The following ZNF704 variants were observed in gnomAD, a reference collection of about 807,000 sequenced individuals.
The protein encoded by ZNF704 is glucocorticoid induced gene 1.
Under a neutral mutation model 44.7 loss-of-function variants are expected in ZNF704, and 10 were observed. The observed-to-expected ratio is 0.22, with a 90% CI of 0.14 to 0.38. ZNF704 has a LOEUF of 0.38. ZNF704 is among the 10% of genes least tolerant of loss of function. The pLI is 1.00. For synonymous variants in ZNF704, 211 were observed against 207.6 expected, an observed-to-expected ratio of 1.02 and a Z score of -0.14; for missense variants, 390 against 545.5, an observed-to-expected ratio of 0.71 and a Z score of 2.84.
intron 2 of ZNF704, among the ~76,000 whole-genome samples, chr8:80,732,251 T>C (rs956820902): frequency 1.1e-4 from 16 of 152,206 alleles, no homozygotes; most frequent in Admixed American, 1.0e-3. Flanking sequence ...TTCTATTCTG[T>C]TTATTATTCC....
chr8:80,829,232 C>A (rs1808428592), intron 1 of ZNF704, among the ~76,000 whole-genome samples: 1 of 152,142 alleles, frequency 6.6e-6, no homozygotes, highest in African/African-American at 2.4e-5. Flanking sequence ...AGAAAATCAA[C>A]AGATGTAAGG....
At chr8:80,752,128 C>G (rs1489315855) in intron 2 of ZNF704, among the ~76,000 whole-genome samples, 2 of 152,130 alleles carry the variant, frequency 1.3e-5, no homozygotes, top group African/African-American at 4.8e-5. Context: ...GTTTTAGAAC[C>G]AACTATGGGC....
At chr8:80,790,248 T>A (rs1807681318) in intron 2 of ZNF704, among the ~76,000 whole-genome samples, 1 of 152,142 alleles carries the variant, frequency 6.6e-6, no homozygotes, top group African/African-American at 2.4e-5. Flanking sequence ...TAAGAACACC[T>A]CAGGGGATTT....
chr8:80,692,924 A>G, intron 3 of ZNF704, 80 bp downstream of exon 3: 2 of 1,287,226 alleles, frequency 1.6e-6, no homozygotes, highest in Non-Finnish European at 1.1e-6. Context: ...ATAGCGCTTG[A>G]CAGGAATGAG....
chr8:80,705,676 G>C (rs1396822979), intron 2 of ZNF704, among the ~76,000 whole-genome samples: 1 of 152,074 alleles, frequency 6.6e-6, no homozygotes, highest in East Asian at 1.9e-4. Flanking sequence ...TCTGTGCATG[G>C]AGGAGGAGAT....
chr8:80,857,390 T>C (rs1437404559), intron 1 of ZNF704, among the ~76,000 whole-genome samples: 2 of 152,162 alleles, frequency 1.3e-5, no homozygotes, highest in African/African-American at 4.8e-5. Flanking sequence ...GTTTGGGGAA[T>C]TTCCATCCAA....
chr8:80,651,870 C>T (rs1367914518), intron 7 of ZNF704, among the ~76,000 whole-genome samples: 1 of 151,972 alleles, frequency 6.6e-6, no homozygotes, highest in Admixed American at 6.6e-5. Flanking sequence ...ATACATTCTT[C>T]TCAGCACCAC....
At chr8:80,792,033 G>A (rs374710320) in intron 2 of ZNF704, among the ~76,000 whole-genome samples, 13 of 152,212 alleles carry the variant, frequency 8.5e-5, no homozygotes, top group African/African-American at 7.2e-5. Context: ...GAAGACCAAA[G>A]GCACAGCCCT....
At chr8:80,740,118 G>C (rs892217058) in intron 2 of ZNF704, among the ~76,000 whole-genome samples, 1 of 152,142 alleles carries the variant, frequency 6.6e-6, no homozygotes, top group South Asian at 2.1e-4. Flanking sequence ...CCTAGGACAG[G>C]CAGTCACTAG....
chr8:80,854,363 A>C (rs1358819006), intron 1 of ZNF704, among the ~76,000 whole-genome samples: 1 of 152,194 alleles, frequency 6.6e-6, no homozygotes, highest in Non-Finnish European at 1.5e-5. Context: ...TTTTTAAAAA[A>C]AGACACACCA....
chr8:80,780,830 C>T (rs976559238), intron 2 of ZNF704, among the ~76,000 whole-genome samples: 23 of 152,030 alleles, frequency 1.5e-4, no homozygotes, highest in African/African-American at 5.3e-4. Context: ...GGACTTCTGG[C>T]CTCCAGAACT....
intron 2 of ZNF704, among the ~76,000 whole-genome samples, chr8:80,807,581 T>C (rs999152267): frequency 3.3e-5 from 5 of 152,008 alleles, no homozygotes; most frequent in Non-Finnish European, 7.3e-5. Flanking sequence ...AGAAAAAAAG[T>C]GTTCAATATA....
intron 2 of ZNF704, among the ~76,000 whole-genome samples, chr8:80,761,015 C>G (rs1049831783): frequency 1.3e-5 from 2 of 152,140 alleles, no homozygotes; most frequent in African/African-American, 4.8e-5. Flanking sequence ...TCACCTCCCA[C>G]CAGGCCCCAC....
At chr8:80,785,899 C>T (rs1194076422) in intron 2 of ZNF704, among the ~76,000 whole-genome samples, 4 of 152,130 alleles carry the variant, frequency 2.6e-5, no homozygotes, top group African/African-American at 7.2e-5. Flanking sequence ...GCCATCTTGG[C>T]TGATGCAAGA....
chr8:80,870,689 A>G (rs756029721), intron 1 of ZNF704, among the ~76,000 whole-genome samples: 3 of 152,170 alleles, frequency 2.0e-5, no homozygotes, highest in Non-Finnish European at 4.4e-5. Context: ...AAACTTAAAT[A>G]GTGCTGTGCC....
chr8:80,652,937 A>G (rs1264902320), intron 7 of ZNF704, among the ~76,000 whole-genome samples: 3 of 152,052 alleles, frequency 2.0e-5, no homozygotes, highest in Non-Finnish European at 2.9e-5. Flanking sequence ...CTGGCAAACC[A>G]AATCCAGCAG....
chr8:80,701,511 C>T (rs1047834925), intron 2 of ZNF704, among the ~76,000 whole-genome samples: 1 of 152,124 alleles, frequency 6.6e-6, no homozygotes, highest in African/African-American at 2.4e-5. Context: ...CTGCCTCCAC[C>T]TGTGCTGTCT....
At chr8:80,833,119 G>A (rs1287224246) in intron 1 of ZNF704, among the ~76,000 whole-genome samples, 3 of 152,182 alleles carry the variant, frequency 2.0e-5, no homozygotes, top group African/African-American at 4.8e-5. Flanking sequence ...AGGTCAAGGC[G>A]GGTGGATCAC....
chr8:80,810,730 A>G (rs1438204751), intron 2 of ZNF704, among the ~76,000 whole-genome samples: 1 of 152,212 alleles, frequency 6.6e-6, no homozygotes, highest in Non-Finnish European at 1.5e-5. Context: ...CATCTTCACA[A>G]TAATTATAAT....
Sources: allele counts gnomAD v4.1 joint callset (sites outside exome capture counted in the v4.1 genomes callset), GRCh38; gene constraint gnomAD v4.1.1; transcripts MANE v1.5; gene names NCBI Gene and HGNC (gene_info 2026-07-23, HGNC 2026-07-21).